ROBO2: variants seen among roughly 807,000 people sequenced by gnomAD.
ROBO2 encodes roundabout guidance receptor 2.
Under a neutral mutation model 160.8 loss-of-function variants are expected in ROBO2, and 53 were observed. That is an observed-to-expected ratio of 0.33 (90% CI 0.26 to 0.41). The LOEUF is 0.41. ROBO2 is among the 10% of genes least tolerant of loss of function. ROBO2 has a pLI of 1.00. For missense variants in ROBO2, 1,577 were observed against 1,722.4 expected (o/e 0.92, Z 1.49); for synonymous variants, 664 against 611.7 (o/e 1.09, Z -1.26).
chr3:77,289,635 A>T (rs1167806871), intron 2 of ROBO2, among the ~76,000 whole-genome samples: 3 of 152,022 alleles, frequency 2.0e-5, no homozygotes, highest in Non-Finnish European at 2.9e-5. Flanking sequence ...AGCTGAGGCT[A>T]GATCACCAAA....
chr3:77,607,765 G>A, intron 20 of ROBO2, 33 bp from the exon 22 acceptor site: 2 of 1,595,434 alleles, frequency 1.3e-6, no homozygotes, highest in East Asian at 4.5e-5. Context: ...TCTGCTATTT[G>A]GCATCTCTGA....
chr3:76,825,004 C>T (rs2066439165), intron 2 of ROBO2, among the ~76,000 whole-genome samples: 1 of 152,204 alleles, frequency 6.6e-6, no homozygotes, highest in Non-Finnish European at 1.5e-5. Flanking sequence ...TAGGAAGCTT[C>T]TCAACTTCTC....
intron 16 of ROBO2, among the ~76,000 whole-genome samples, chr3:77,586,406 G>A (rs1430544600): frequency 6.6e-6 from 1 of 152,040 alleles, no homozygotes; most frequent in Non-Finnish European, 1.5e-5. Flanking sequence ...AGGTACAATC[G>A]AATCTGATGT....
At chr3:77,468,015 A>C (rs931043145) in intron 2 of ROBO2, among the ~76,000 whole-genome samples, 1 of 152,202 alleles carries the variant, frequency 6.6e-6, no homozygotes, top group Non-Finnish European at 1.5e-5. Context: ...CATCCTCCTC[A>C]CATGCTATGT....
intron 2 of ROBO2, among the ~76,000 whole-genome samples, chr3:76,398,637 T>C (rs1483881698): frequency 6.6e-6 from 1 of 151,354 alleles, no homozygotes; most frequent in Non-Finnish European, 1.5e-5. Context: ...TAATATAAAT[T>C]ATAGTTTTTA....
chr3:76,050,762 C>G (rs1483702630), intron 2 of ROBO2, among the ~76,000 whole-genome samples: 1 of 152,182 alleles, frequency 6.6e-6, no homozygotes, highest in Non-Finnish European at 1.5e-5. Context: ...ATGCCTTCTT[C>G]CCTCCTACAG....
intron 2 of ROBO2, among the ~76,000 whole-genome samples, chr3:77,417,128 G>T (rs2077298841): frequency 6.6e-6 from 1 of 151,942 alleles, no homozygotes; most frequent in Non-Finnish European, 1.5e-5. Context: ...ATATTTAGGT[G>T]CAATTTCATG....
intron 2 of ROBO2, among the ~76,000 whole-genome samples, chr3:76,496,566 T>C (rs1401161072): frequency 1.1e-4 from 17 of 152,198 alleles, no homozygotes; most frequent in Admixed American, 1.1e-3. Context: ...AGCTGCCTAC[T>C]TGATTTCCCA....
At chr3:76,682,098 C>A (rs778194910) in intron 2 of ROBO2, among the ~76,000 whole-genome samples, 3 of 151,908 alleles carry the variant, frequency 2.0e-5, no homozygotes, top group African/African-American at 7.3e-5. Flanking sequence ...GGACACATTG[C>A]GGAAATATTT....
intron 2 of ROBO2, among the ~76,000 whole-genome samples, chr3:76,245,762 G>C (rs1705579076): frequency 6.6e-6 from 1 of 152,060 alleles, no homozygotes; most frequent in Non-Finnish European, 1.5e-5. Context: ...CCATTGCTCA[G>C]AATAAGAAAT....
intron 2 of ROBO2, among the ~76,000 whole-genome samples, chr3:77,383,906 A>G (rs767141063): frequency 2.6e-5 from 4 of 152,146 alleles, no homozygotes; most frequent in Non-Finnish European, 5.9e-5. Flanking sequence ...CTTCAAAAAT[A>G]GGACATTAAC....
At chr3:75,908,376 A>C (rs1190811667) in intron 1 of ROBO2, among the ~76,000 whole-genome samples, 1 of 152,142 alleles carries the variant, frequency 6.6e-6, no homozygotes, top group African/African-American at 2.4e-5. Flanking sequence ...TATTTAATGT[A>C]AGGTTCTTTC....
intron 2 of ROBO2, among the ~76,000 whole-genome samples, chr3:77,477,157 C>T (rs575318860): frequency 6.6e-6 from 1 of 152,222 alleles, no homozygotes; most frequent in South Asian, 2.1e-4. Context: ...ATGAATATTT[C>T]TCATTTTTTT....
At chr3:76,394,643 A>G (rs1421716478) in intron 2 of ROBO2, among the ~76,000 whole-genome samples, 3 of 151,838 alleles carry the variant, frequency 2.0e-5, no homozygotes, top group Non-Finnish European at 4.4e-5. Context: ...CGTTCTCTGT[A>G]TTTCCTGAAT....
Position 77,383,277 on chromosome 3 carries a change from G to A in ROBO2, c.389-94137G>A, listed in dbSNP as rs2073744454. Reference sequence around the variant, plus strand: ...ATAATAATTGTGCTTTAACTCAAAAGCCAAAGTTTAGACACATACTGCACT... The same window carrying A: ...ATAATAATTGTGCTTTAACTCAAAAACCAAAGTTTAGACACATACTGCACT... On this transcript the variant is annotated intron_variant, in intron 2 of 25. Coordinates refer to ENST00000461745, the Ensembl canonical transcript of ROBO2. Among the ~76,000 whole-genome samples, 2 of 151,936 alleles carry A rather than the reference G, an allele frequency of 1.3e-5. 1 individual carries two copies. The highest frequency in any genetic ancestry group is 4.2e-4 in the South Asian group (2 of 4,818).
At chr3:77,079,741 A>C (rs992196217) in intron 1 of ROBO2, among the ~76,000 whole-genome samples, 6 of 152,190 alleles carry the variant, frequency 3.9e-5, no homozygotes, top group African/African-American at 1.4e-4. Flanking sequence ...GGGAATGTTG[A>C]ATCTGTGACC....
intron 2 of ROBO2, among the ~76,000 whole-genome samples, chr3:76,843,644 G>T (rs112142952): frequency 0.021 from 3,143 of 152,000 alleles, 80 homozygotes; most frequent in African/African-American, 0.06. Context: ...TGTCTTCTAG[G>T]ACCTTGTTGC....
At chr3:76,182,490 C>T (rs1053924905) in intron 2 of ROBO2, among the ~76,000 whole-genome samples, 1 of 151,992 alleles carries the variant, frequency 6.6e-6, no homozygotes, top group African/African-American at 2.4e-5. Flanking sequence ...GTTGTGTTAC[C>T]CTACTTAGTG....
intron 2 of ROBO2, among the ~76,000 whole-genome samples, chr3:75,976,224 G>A (rs1321418198): frequency 6.6e-6 from 1 of 151,572 alleles, no homozygotes; most frequent in Non-Finnish European, 1.5e-5. Context: ...ATAAAAATGT[G>A]TACATGTGTT....
Sources: gnomAD v4.1 joint callset for allele counts (sites outside exome capture counted in the v4.1 genomes callset) on GRCh38, gnomAD v4.1.1 for gene constraint, MANE v1.5 for transcripts, NCBI Gene and HGNC (gene_info 2026-07-23, HGNC 2026-07-21) for gene names.